SYT1: variants seen among roughly 807,000 people sequenced by gnomAD.
SYT1 encodes the protein synaptotagmin-1.
Under a neutral mutation model 44.8 loss-of-function variants are expected in SYT1, and 8 were observed. The observed-to-expected ratio is 0.18, with a 90% CI of 0.10 to 0.32. The LOEUF (loss-of-function observed/expected upper bound fraction) is 0.32, where lower values mean the gene tolerates loss of function less well. Ranked by LOEUF, SYT1 falls within the 10% of genes least tolerant of loss-of-function variation. The pLI, the probability that SYT1 is intolerant of heterozygous loss-of-function variation, is 1.00. For synonymous variants in SYT1, 154 were observed against 188.8 expected (o/e 0.82, Z 1.51); for missense variants, 286 against 509.3 (o/e 0.56, Z 4.22).
intron 3 of SYT1, among the ~76,000 whole-genome samples, chr12:79,180,103 A>C (rs1272730110): frequency 6.6e-6 from 1 of 152,074 alleles, no homozygotes; most frequent in Non-Finnish European, 1.5e-5. Flanking sequence ...AAGAGTTACT[A>C]AAGATAAATA....
intron 1 of SYT1, among the ~76,000 whole-genome samples, chr12:78,914,196 G>C (rs1249899422): frequency 2.6e-5 from 4 of 151,530 alleles, no homozygotes; most frequent in Non-Finnish European, 5.9e-5. Flanking sequence ...ATTTTCAAAG[G>C]GGCATTGGGA....
intron 3 of SYT1, among the ~76,000 whole-genome samples, chr12:79,171,860 T>G (rs1871546040): frequency 6.6e-6 from 1 of 151,982 alleles, no homozygotes; most frequent in Non-Finnish European, 1.5e-5. Context: ...CCTCCTTATT[T>G]TAATGAGAGG....
chr12:78,930,488 A>G (rs1291518788), intron 1 of SYT1, among the ~76,000 whole-genome samples: 1 of 152,084 alleles, frequency 6.6e-6, no homozygotes, highest in Non-Finnish European at 1.5e-5. Flanking sequence ...AAGTTGGGAA[A>G]AAAAAATAGA....
intron 1 of SYT1, among the ~76,000 whole-genome samples, chr12:78,939,034 A>T (rs1489689291): frequency 6.6e-6 from 1 of 152,204 alleles, no homozygotes; most frequent in Non-Finnish European, 1.5e-5. Flanking sequence ...GCCACCAAAT[A>T]ACATGACAGA....
At chr12:79,035,593 A>G (rs1195292962) in intron 2 of SYT1, among the ~76,000 whole-genome samples, 2 of 151,616 alleles carry the variant, frequency 1.3e-5, no homozygotes, top group African/African-American at 4.8e-5. Context: ...CCTCTTCTGT[A>G]GTCCCCTTTG....
intron 3 of SYT1, among the ~76,000 whole-genome samples, chr12:79,198,959 G>T (rs191591256): frequency 6.6e-6 from 1 of 152,120 alleles, no homozygotes; most frequent in African/African-American, 2.4e-5. Flanking sequence ...GGGGAAGCCC[G>T]CATGAATTTT....
chr12:78,930,620 T>C (rs1401671763), intron 1 of SYT1, among the ~76,000 whole-genome samples: 1 of 151,364 alleles, frequency 6.6e-6, no homozygotes, highest in Non-Finnish European at 1.5e-5. Flanking sequence ...AATGACAGGA[T>C]TAAAATATTT....
chr12:79,208,482 A>C (rs796421730), intron 3 of SYT1, among the ~76,000 whole-genome samples: 1 of 152,210 alleles, frequency 6.6e-6, no homozygotes, highest in Non-Finnish European at 1.5e-5. Context: ...AAGAAAAGAA[A>C]AAGTTAAGAC....
At chr12:79,282,670 C>T (rs901216563) in intron 4 of SYT1, among the ~76,000 whole-genome samples, 1 of 151,870 alleles carries the variant, frequency 6.6e-6, no homozygotes, top group African/African-American at 2.4e-5. Context: ...ATTAAAGAGA[C>T]TTTAAAGCTA....
intron 2 of SYT1, among the ~76,000 whole-genome samples, chr12:78,989,281 AT>A (rs1869860697): frequency 6.6e-6 from 1 of 152,114 alleles, no homozygotes; most frequent in Non-Finnish European, 1.5e-5. Flanking sequence ...TCAAATTAGG[AT>A]TTGTATGAAG....
intron 2 of SYT1, among the ~76,000 whole-genome samples, chr12:78,995,053 G>A (rs996258078): frequency 1.3e-5 from 2 of 152,038 alleles, no homozygotes; most frequent in African/African-American, 2.4e-5. Flanking sequence ...GATCACCTGG[G>A]GAGTTTTAAA....
At chr12:79,156,964 T>G (rs1870637038) in intron 3 of SYT1, among the ~76,000 whole-genome samples, 1 of 152,128 alleles carries the variant, frequency 6.6e-6, no homozygotes, top group East Asian at 1.9e-4. Flanking sequence ...TGTCCAGAGC[T>G]TCACCTCTAG....
chr12:79,164,839 A>T (rs528541114), intron 3 of SYT1, among the ~76,000 whole-genome samples: 1 of 152,168 alleles, frequency 6.6e-6, no homozygotes, highest in African/African-American at 2.4e-5. Flanking sequence ...GGTGATGTAG[A>T]CAGAACCCGG....
chr12:79,349,223 A>C (rs1882782764), intron 8 of SYT1, among the ~76,000 whole-genome samples: 1 of 151,966 alleles, frequency 6.6e-6, no homozygotes, highest in South Asian at 2.1e-4. Flanking sequence ...GGAAGGAAGG[A>C]TCTAACTTGA....
chr12:79,299,090 T>A (rs1364742932), intron 7 of SYT1, among the ~76,000 whole-genome samples: 1 of 152,126 alleles, frequency 6.6e-6, no homozygotes, highest in African/African-American at 2.4e-5. Context: ...GTTTATTGTT[T>A]TATTAATCTT....
intron 1 of SYT1, among the ~76,000 whole-genome samples, chr12:78,915,151 C>T (rs1876575859): frequency 6.6e-6 from 1 of 152,002 alleles, no homozygotes; most frequent in South Asian, 2.1e-4. Context: ...ACCAGGTGGA[C>T]TGGAAGGCAG....
intron 1 of SYT1, among the ~76,000 whole-genome samples, chr12:78,940,319 T>C (rs1337051964): frequency 2.0e-5 from 3 of 152,234 alleles, no homozygotes; most frequent in Non-Finnish European, 4.4e-5. Context: ...CCATTCTTAA[T>C]GCTCCTTTTT....
chr12:78,936,441 ATG>A (rs1341945865), intron 1 of SYT1, among the ~76,000 whole-genome samples: 2 of 152,130 alleles, frequency 1.3e-5, no homozygotes, highest in Admixed American at 1.3e-4. Context: ...ATCATTACAT[ATG>A]TGTTACGTCT....
At chr12:79,271,171 A>G (rs1295964000) in intron 4 of SYT1, among the ~76,000 whole-genome samples, 2 of 152,192 alleles carry the variant, frequency 1.3e-5, no homozygotes, top group South Asian at 2.1e-4. Context: ...TGAAGATTTC[A>G]TCTTTGTTTT....
Sources: gnomAD v4.1 joint callset for allele counts (sites outside exome capture counted in the v4.1 genomes callset) on GRCh38, gnomAD v4.1.1 for gene constraint, MANE v1.5 for transcripts, NCBI Gene and HGNC (gene_info 2026-07-23, HGNC 2026-07-21) for gene names.